ERBB4: variants seen among roughly 807,000 people sequenced by gnomAD.
ERBB4 encodes the protein erb-b2 receptor tyrosine kinase 4.
Under a neutral mutation model 158.0 loss-of-function variants are expected in ERBB4, and 42 were observed. The observed-to-expected ratio is 0.27, with a 90% CI of 0.21 to 0.34. The LOEUF (loss-of-function observed/expected upper bound fraction) is 0.34, where lower values mean the gene tolerates loss of function less well. ERBB4 is among the 10% of genes least tolerant of loss of function. The pLI, the probability that ERBB4 is intolerant of heterozygous loss-of-function variation, is 1.00. For synonymous variants in ERBB4, 583 were observed against 558.7 expected (o/e 1.04, Z -0.61); for missense variants, 1,333 against 1,624.1 (o/e 0.82, Z 3.08).
intron 1 of ERBB4, among the ~76,000 whole-genome samples, chr2:212,146,986 C>CT (rs34029473): frequency 0.42 from 32,187 of 76,936 alleles, 9,204 homozygotes; most frequent in East Asian, 0.9. Context: ...CATTGTTAGA[C>CT]TTTTTTTTTT....
rs541505828 is a variant in ERBB4, at chr2:212,486,326, G to A, written c.82+52123C>T. On this transcript the variant is annotated intron_variant, in intron 1 of 27. Transcript: ENST00000342788. Reference sequence around the variant, plus strand: ...TACAGTAAAAAGGCAGATAATGCAAGATTTTTATTAGAACTAAAGTAAAAT... The same window carrying A: ...TACAGTAAAAAGGCAGATAATGCAAAATTTTTATTAGAACTAAAGTAAAAT... Among the ~76,000 whole-genome samples, 7 of 132,126 alleles carry A rather than the reference G, an allele frequency of 5.3e-5. No individual in the cohort carries two copies. In the South Asian group the frequency reaches 1.7e-3, roughly 32 times the overall value. 86.7% of individuals were successfully genotyped at this position (132,126 alleles called of 152,430 possible).
chr2:211,482,681 GGAT>G (rs1276865661), intron 20 of ERBB4, among the ~76,000 whole-genome samples: 3 of 152,138 alleles, frequency 2.0e-5, no homozygotes, highest in Non-Finnish European at 4.4e-5. Context: ...CAAGATAGGC[GGAT>G]CACCTGAGGT....
At chr2:212,466,703 G>C (rs1017933031) in intron 1 of ERBB4, among the ~76,000 whole-genome samples, 1 of 152,140 alleles carries the variant, frequency 6.6e-6, no homozygotes, top group Non-Finnish European at 1.5e-5. Flanking sequence ...GGTGAAAATG[G>C]ACTAATGCAG....
intron 16 of ERBB4, among the ~76,000 whole-genome samples, chr2:211,633,482 A>ATTTTTTTTT (rs3068983): frequency 7.9e-6 from 1 of 127,222 alleles, no homozygotes; most frequent in Non-Finnish European, 1.6e-5. Context: ...GTATTTTCTA[A>ATTTTTTTTT]TTTTTTTTTT....
chr2:212,095,154 C>A (rs13395274), intron 2 of ERBB4, among the ~76,000 whole-genome samples: 1,686 of 152,230 alleles, frequency 0.011, 24 homozygotes, highest in African/African-American at 0.039. Flanking sequence ...AGTCACTAGG[C>A]ATTTCCTGAG....
chr2:211,865,779 A>G (rs1035495750), intron 3 of ERBB4, among the ~76,000 whole-genome samples: 2 of 152,200 alleles, frequency 1.3e-5, no homozygotes, highest in South Asian at 2.1e-4. Flanking sequence ...TTCTAACCCA[A>G]TATAACCACA....
intron 2 of ERBB4, among the ~76,000 whole-genome samples, chr2:212,010,529 A>C (rs1460734399): frequency 6.6e-6 from 1 of 152,162 alleles, no homozygotes; most frequent in Non-Finnish European, 1.5e-5. Context: ...TTCTGAGGGA[A>C]CAGGACAAAG....
intron 20 of ERBB4, among the ~76,000 whole-genome samples, chr2:211,462,242 C>T (rs1367488427): frequency 1.3e-5 from 2 of 151,962 alleles, no homozygotes; most frequent in South Asian, 2.1e-4. Context: ...ACAATCAGAT[C>T]TCATAACTCA....
chr2:211,500,633 A>G (rs1404051140), intron 20 of ERBB4, among the ~76,000 whole-genome samples: 1 of 152,112 alleles, frequency 6.6e-6, no homozygotes, highest in Non-Finnish European at 1.5e-5. Flanking sequence ...TGAAAATGAA[A>G]CATCCAAAGA....
chr2:212,111,233 A>C (rs1276622745), intron 2 of ERBB4, among the ~76,000 whole-genome samples: 1 of 152,164 alleles, frequency 6.6e-6, no homozygotes, highest in Non-Finnish European at 1.5e-5. Flanking sequence ...GTCTTTATTA[A>C]GTCTTTCCTT....
chr2:211,538,754 G>A (rs1242744622), intron 20 of ERBB4, among the ~76,000 whole-genome samples: 18 of 151,776 alleles, frequency 1.2e-4, no homozygotes, highest in East Asian at 7.7e-4. Context: ...TATTGGGTTC[G>A]TAGAATTGAT....
chr2:211,816,520 G>T (rs571903127), intron 3 of ERBB4, among the ~76,000 whole-genome samples: 2 of 122,072 alleles, frequency 1.6e-5, no homozygotes, highest in African/African-American at 6.5e-5. Flanking sequence ...CAGCCTGGGT[G>T]ACAGAGCGAG....
intron 1 of ERBB4, among the ~76,000 whole-genome samples, chr2:212,193,034 A>T (rs1574406826): frequency 6.6e-6 from 1 of 152,170 alleles, no homozygotes; most frequent in South Asian, 2.1e-4. Flanking sequence ...TAACGGCAGG[A>T]AAAATGTTGG....
chr2:211,780,317 TTG>T (rs1207729070), intron 4 of ERBB4, among the ~76,000 whole-genome samples: 1 of 152,074 alleles, frequency 6.6e-6, no homozygotes, highest in African/African-American at 2.4e-5. Flanking sequence ...TGAGCTGTGA[TTG>T]CACCACTGCA....
At chr2:211,526,857 TAGTG>T (rs1190885740) in intron 20 of ERBB4, among the ~76,000 whole-genome samples, 1 of 151,950 alleles carries the variant, frequency 6.6e-6, no homozygotes, top group African/African-American at 2.4e-5. Flanking sequence ...AAAAAAGAAT[TAGTG>T]AGCTTGAAGA....
chr2:212,010,490 G>T (rs1190433598), intron 2 of ERBB4, among the ~76,000 whole-genome samples: 1 of 152,048 alleles, frequency 6.6e-6, no homozygotes, highest in East Asian at 1.9e-4. Flanking sequence ...ATGCTTCAAA[G>T]GGCAAAAAGC....
chr2:211,390,901 T>G (rs1364592183), intron 25 of ERBB4, among the ~76,000 whole-genome samples: 6 of 152,194 alleles, frequency 3.9e-5, no homozygotes. Context: ...GCTGCTTTTT[T>G]TATGTTTCTG....
intron 1 of ERBB4, among the ~76,000 whole-genome samples, chr2:212,218,688 TCTCA>T (rs1690517859): frequency 6.6e-6 from 1 of 151,398 alleles, no homozygotes; most frequent in South Asian, 2.1e-4. Context: ...AGTATTCATA[TCTCA>T]CTCTAGGTTG....
chr2:212,085,592 T>G (rs1285556864), intron 2 of ERBB4, among the ~76,000 whole-genome samples: 1 of 151,970 alleles, frequency 6.6e-6, no homozygotes, highest in Non-Finnish European at 1.5e-5. Context: ...TTTTTGACAG[T>G]TGCAGGTCAT....
Sources: gnomAD v4.1 joint callset for allele counts (sites outside exome capture counted in the v4.1 genomes callset) on GRCh38, gnomAD v4.1.1 for gene constraint, MANE v1.5 for transcripts, NCBI Gene and HGNC (gene_info 2026-07-23, HGNC 2026-07-21) for gene names.